CHRM3: variants seen among roughly 807,000 people sequenced by gnomAD.
CHRM3 encodes cholinergic receptor muscarinic 3.
In CHRM3, 11 loss-of-function variants were observed where a neutral mutation model predicts 41.8. That is an observed-to-expected ratio of 0.26 (90% CI 0.17 to 0.44). The LOEUF is 0.44. CHRM3 is among the 20% of genes least tolerant of loss of function. CHRM3 has a pLI of 1.00. For synonymous variants in CHRM3, 297 were observed against 301.4 expected, an observed-to-expected ratio of 0.99 and a Z score of 0.15; for missense variants, 571 against 745.4, an observed-to-expected ratio of 0.77 and a Z score of 2.72.
chr1:239,841,072 G>A (rs1161257203), intron 6 of CHRM3, among the ~76,000 whole-genome samples: 2 of 152,194 alleles, frequency 1.3e-5, no homozygotes, highest in Admixed American at 6.5e-5. Flanking sequence ...CTGACTCTCT[G>A]CTGTAAAATT....
chr1:239,588,421 A>C (rs144219753), intron 3 of CHRM3, among the ~76,000 whole-genome samples: 1 of 152,266 alleles, frequency 6.6e-6, no homozygotes, highest in Admixed American at 6.5e-5. Context: ...TCAACAAAGA[A>C]CTGTGGACTC....
chr1:239,634,734 C>T (rs375477146), intron 4 of CHRM3, among the ~76,000 whole-genome samples: 7 of 151,780 alleles, frequency 4.6e-5, no homozygotes, highest in Admixed American at 1.3e-4. Flanking sequence ...AATTTCTTTC[C>T]GAAGAAAGTT....
intron 5 of CHRM3, among the ~76,000 whole-genome samples, chr1:239,805,487 AGAAGAGGG>A (rs1440680175): frequency 6.6e-6 from 1 of 152,164 alleles, no homozygotes; most frequent in Non-Finnish European, 1.5e-5. Flanking sequence ...GAGGATTAAG[AGAAGAGGG>A]GAAGAGGGGA....
chr1:239,839,605 C>T (rs1317057929), intron 6 of CHRM3, among the ~76,000 whole-genome samples: 2 of 152,208 alleles, frequency 1.3e-5, no homozygotes, highest in Admixed American at 1.3e-4. Flanking sequence ...GATTCCATGT[C>T]AGAATATGAT....
chr1:239,507,194 C>G (rs1317412005), intron 2 of CHRM3, among the ~76,000 whole-genome samples: 1 of 151,994 alleles, frequency 6.6e-6, no homozygotes, highest in African/African-American at 2.4e-5. Flanking sequence ...TTGTGAAGGG[C>G]CAGGTGTGGA....
intron 6 of CHRM3, among the ~76,000 whole-genome samples, chr1:239,828,461 A>G (rs925118025): frequency 1.3e-5 from 2 of 152,094 alleles, no homozygotes; most frequent in African/African-American, 4.8e-5. Context: ...AAATTATTAC[A>G]AAGGGTAGAG....
intron 3 of CHRM3, among the ~76,000 whole-genome samples, chr1:239,609,772 A>G (rs1471107231): frequency 1.3e-5 from 2 of 152,140 alleles, no homozygotes; most frequent in Non-Finnish European, 2.9e-5. Context: ...CTTAGTTAGC[A>G]TCTGTATATG....
intron 5 of CHRM3, among the ~76,000 whole-genome samples, chr1:239,750,859 C>A (rs628512): frequency 0.98 from 149,308 of 152,296 alleles, 73,256 homozygotes; most frequent in Middle Eastern, 1. Context: ...AAACTTTGTT[C>A]AATTTAATTT....
chr1:239,818,533 C>T (rs1572392780), intron 5 of CHRM3, among the ~76,000 whole-genome samples: 1 of 152,280 alleles, frequency 6.6e-6, no homozygotes, highest in South Asian at 2.1e-4. Flanking sequence ...CAGTGCAGTC[C>T]ATGGACTAAG....
intron 6 of CHRM3, among the ~76,000 whole-genome samples, chr1:239,889,662 T>C (rs189131049): frequency 3.5e-4 from 53 of 152,312 alleles, no homozygotes; most frequent in African/African-American, 1.2e-3. Flanking sequence ...TCACATTCAC[T>C]TTATCAGTGG....
intron 3 of CHRM3, among the ~76,000 whole-genome samples, chr1:239,561,689 G>T (rs979728900): frequency 8.6e-5 from 13 of 151,658 alleles, no homozygotes; most frequent in African/African-American, 1.2e-4. Context: ...TCTATTAATA[G>T]ATAATATTAC....
At chr1:239,559,309 A>G (rs538284004) in intron 3 of CHRM3, among the ~76,000 whole-genome samples, 4 of 152,298 alleles carry the variant, frequency 2.6e-5, no homozygotes, top group East Asian at 3.9e-4. Context: ...TATTTGTCCA[A>G]TCTGAGAATC....
At chr1:239,566,804 T>G (rs1364670744) in intron 3 of CHRM3, among the ~76,000 whole-genome samples, 1 of 152,242 alleles carries the variant, frequency 6.6e-6, no homozygotes, top group Non-Finnish European at 1.5e-5. Context: ...GCAGACAAAG[T>G]TGGCTTTCTC....
intron 5 of CHRM3, among the ~76,000 whole-genome samples, chr1:239,685,991 C>CAA (rs1162908547): frequency 0.048 from 7,303 of 151,806 alleles, 635 homozygotes; most frequent in African/African-American, 0.17. Context: ...AAAACAAAAA[C>CAA]AAACAAACAA....
chr1:239,790,210 A>G (rs775635251), intron 5 of CHRM3, among the ~76,000 whole-genome samples: 7 of 152,112 alleles, frequency 4.6e-5, no homozygotes, highest in Non-Finnish European at 1.0e-4. Context: ...TGCAGAAATG[A>G]GCTAAGATTT....
At chr1:239,904,553 A>G (rs903474499) in intron 6 of CHRM3, among the ~76,000 whole-genome samples, 3 of 152,210 alleles carry the variant, frequency 2.0e-5, no homozygotes, top group Non-Finnish European at 4.4e-5. Flanking sequence ...TCTTCTGTAC[A>G]TGCATCTTGG....
chr1:239,898,921 G>T (rs541909729), intron 6 of CHRM3, among the ~76,000 whole-genome samples: 49 of 152,232 alleles, frequency 3.2e-4, no homozygotes, highest in African/African-American at 1.0e-3. Context: ...CTAGGGGGAA[G>T]AAGGCAAATT....
intron 5 of CHRM3, among the ~76,000 whole-genome samples, chr1:239,697,335 T>C (rs1348963747): frequency 6.6e-6 from 1 of 152,170 alleles, no homozygotes; most frequent in Non-Finnish European, 1.5e-5. Flanking sequence ...CTGCTATCCA[T>C]GCCACGTGAC....
intron 6 of CHRM3, among the ~76,000 whole-genome samples, chr1:239,876,378 G>A (rs780174820): frequency 1.3e-5 from 2 of 152,166 alleles, no homozygotes; most frequent in Admixed American, 6.5e-5. Flanking sequence ...AAGCAAAAGG[G>A]CGGATTGGTG....
Sources: gnomAD v4.1 joint callset for allele counts (sites outside exome capture counted in the v4.1 genomes callset) on GRCh38, gnomAD v4.1.1 for gene constraint, MANE v1.5 for transcripts, NCBI Gene and HGNC (gene_info 2026-07-23, HGNC 2026-07-21) for gene names.